Variants in WDR20 observed in about 807,000 individuals in gnomAD.
WDR20 encodes WD repeat-containing protein 20.
Under a neutral mutation model 38.7 loss-of-function variants are expected in WDR20, and 3 were observed. The ratio of observed to expected loss-of-function variants is 0.08; its 90% CI spans 0.04 to 0.20. The LOEUF (loss-of-function observed/expected upper bound fraction) is 0.20, where lower values mean the gene tolerates loss of function less well. Among genes scored for constraint, WDR20 ranks in the 10% least tolerant of loss-of-function variants. The pLI, the probability that WDR20 is intolerant of heterozygous loss-of-function variation, is 1.00. For missense variants in WDR20, 559 were observed against 727.7 expected (o/e 0.77, Z 2.67); for synonymous variants, 298 against 285.6 (o/e 1.04, Z -0.44).
At chr14:102,160,206 T>A (rs527481658) in intron 1 of WDR20, among the ~76,000 whole-genome samples, 1 of 152,196 alleles carries the variant, frequency 6.6e-6, no homozygotes, top group Non-Finnish European at 1.5e-5. Context: ...AGTTGTACAA[T>A]TATCACTGTA....
At chr14:102,213,014 G>A (rs2062750077), downstream of WDR20, 4 of 990,616 alleles carry the variant, frequency 4.0e-6, no homozygotes, top group Non-Finnish European at 4.8e-6. Flanking sequence ...GGAGAATCCC[G>A]CTCCCACCCG....
intron 1 of WDR20, among the ~76,000 whole-genome samples, chr14:102,146,268 G>A (rs1379680354): frequency 2.6e-5 from 4 of 152,052 alleles, no homozygotes; most frequent in Non-Finnish European, 5.9e-5. Context: ...GGTTTTAAGC[G>A]ATTCTCCTGC....
downstream of WDR20, chr14:102,212,534 C>A: frequency 6.5e-7 from 1 of 1,536,008 alleles, no homozygotes; most frequent in Non-Finnish European, 8.7e-7. Flanking sequence ...CAGAGCACTT[C>A]TGCAGGCAGG....
chr14:102,156,039 A>G lies in WDR20; in HGVS notation c.249+15867A>G, dbSNP rs972523679. Among the ~76,000 whole-genome samples, 4 of 151,258 alleles carry G rather than the reference A, an allele frequency of 2.6e-5. No individual in the cohort carries two copies. The South Asian group carries it at 6.2e-4, about 24-fold the overall frequency. ...GCGAACCTCCCACCTCGGCCTCCCA[A>G]AGCATTGGGATTAGAGGCATGAGGC... On this transcript the variant is annotated intron_variant, in intron 1 of 2. Transcript: ENST00000342702.
At chr14:102,224,740 G>C (rs541010892), downstream of WDR20, 4 of 455,928 alleles carry the variant, frequency 8.8e-6, no homozygotes, top group Non-Finnish European at 1.8e-5. Flanking sequence ...TGCCCCACTC[G>C]AAGGCGCCAG....
chr14:102,169,977 T>C lies in WDR20; in HGVS notation c.250-24961T>C, dbSNP rs8013065. Among the ~76,000 whole-genome samples, 1,133 of 152,308 alleles carry C rather than the reference T, an allele frequency of 7.4e-3. 16 individuals carry two copies. Among genetic ancestry groups the C allele is most frequent in the African/African-American group, 0.025 (1,060 of 41,570 alleles). On this transcript the variant is annotated intron_variant, in intron 1 of 2. Transcript: ENST00000342702. ...AAGTCTCTCACACTTTGCCCTCCAG[T>C]GCCACCCTGTCCCCCTCCTCTGAAG... is the stretch of plus-strand genomic sequence containing the variant.
At chr14:102,217,986 C>T (rs2063429551), downstream of WDR20, among the ~76,000 whole-genome samples, 1 of 152,262 alleles carries the variant, frequency 6.6e-6, no homozygotes, top group African/African-American at 2.4e-5. Flanking sequence ...GGCTGGCCTT[C>T]TCCCTCTGGG....
chr14:102,152,606 G>C (rs1258508841), intron 1 of WDR20, among the ~76,000 whole-genome samples: 2 of 151,954 alleles, frequency 1.3e-5, no homozygotes, highest in South Asian at 2.1e-4. Context: ...CTACAGACGG[G>C]GTTTCACCAT....
Position 102,222,957 on chromosome 14 carries a change from G to A in WDR20, c.*74G>A, listed in dbSNP as rs113092506. ...GTGACGAGGAGGAGCTCCGAGCTGC[G>A]CCTGAGCCGTGCCAGCCGGCGGACC... is the stretch of plus-strand genomic sequence containing the variant. On this transcript the variant is annotated 3_prime_UTR_variant, in exon 4 of 4. Transcript: ENST00000335263. This position sits in a 1 kb window ranked among gnomAD's most constrained non-coding sequence, Gnocchi z 4.4. 3.0e-4 allele frequency: 480 copies of A among 1,584,528 alleles called. No individual in the cohort carries two copies. Among genetic ancestry groups the A allele is most frequent in the Non-Finnish European group, 3.4e-4 (390 of 1,156,038 alleles).
intron 1 of WDR20, among the ~76,000 whole-genome samples, chr14:102,167,817 G>T (rs956049299): frequency 1.3e-5 from 2 of 152,120 alleles, no homozygotes; most frequent in African/African-American, 2.4e-5. Flanking sequence ...CTGATTGATT[G>T]CTGAACTCCT....
chr14:102,144,520 A>G (rs542665349), intron 1 of WDR20, among the ~76,000 whole-genome samples: 2 of 151,942 alleles, frequency 1.3e-5, no homozygotes, highest in Non-Finnish European at 2.9e-5. Context: ...ATGTAGGATA[A>G]AAGATGCCAA....
rs371485785 is a variant in WDR20, at chr14:102,142,509, G to A, written c.249+2337G>A. On this transcript the variant is annotated intron_variant, in intron 1 of 2. Coordinates refer to ENST00000342702, the MANE Select transcript of WDR20 (RefSeq NM_144574.4). ...CATCCTGTTGCCTAGGCTGGAGTGC[G>A]GTGGCGTGCTCATCGTTCACTACAG... Among the ~76,000 whole-genome samples the A allele has an allele frequency of 6.6e-5, 10 of 152,044 alleles. No homozygotes were observed. The East Asian group carries it at 1.5e-3, about 23-fold the overall frequency.
chr14:102,213,914 G>T (rs2062875356), downstream of WDR20: 2 of 985,328 alleles, frequency 2.0e-6, no homozygotes, highest in Non-Finnish European at 2.4e-6. Context: ...GCCCACGGAA[G>T]AACTAGAAGC....
intron 1 of WDR20, among the ~76,000 whole-genome samples, chr14:102,144,481 C>CAA (rs760450854): frequency 8.2e-5 from 6 of 73,412 alleles, no homozygotes; most frequent in African/African-American, 2.3e-4. Flanking sequence ...GACTCTGTCT[C>CAA]AAAAAAAAAA....
At position 102,141,810 on chromosome 14, in the gene WDR20, G is replaced by A. The variant is rs1016883800; in HGVS notation, c.249+1638G>A. On this transcript the variant is annotated intron_variant, in intron 1 of 2. Transcript: ENST00000342702. ...GACCAATTTTGTCTCAGGAAATTAA[G>A]TTTAGAATTTTAAGTTATAAAAATT... Among the ~76,000 whole-genome samples the A allele has an allele frequency of 4.6e-5, 7 of 152,198 alleles. No homozygotes were observed. In the South Asian group the frequency reaches 1.5e-3, roughly 32 times the overall value.
chr14:102,196,183 C>G (rs544912370), intron 2 of WDR20, among the ~76,000 whole-genome samples: 2 of 152,124 alleles, frequency 1.3e-5, no homozygotes, highest in Non-Finnish European at 2.9e-5. Flanking sequence ...CCAGGGTGCT[C>G]CTGTTTGACA....
chr14:102,214,419 CTG>C (rs2062956235), downstream of WDR20: 1 of 985,436 alleles, frequency 1.0e-6, no homozygotes, highest in African/African-American at 1.7e-5. Flanking sequence ...TCGTATGCAA[CTG>C]TTACCTTTGA....
intron 2 of WDR20, among the ~76,000 whole-genome samples, chr14:102,203,841 T>G (rs1025874855): frequency 1.3e-5 from 2 of 152,106 alleles, no homozygotes; most frequent in Admixed American, 1.3e-4. Flanking sequence ...TAACTAGACT[T>G]TTTCTGAAAC....
chr14:102,145,838 A>G (rs1263935579), intron 1 of WDR20, among the ~76,000 whole-genome samples: 3 of 152,108 alleles, frequency 2.0e-5, no homozygotes, highest in Non-Finnish European at 4.4e-5. Flanking sequence ...AAGCCAAAGA[A>G]CCTTCCTACC....
Sources: allele counts gnomAD v4.1 joint callset (sites outside exome capture counted in the v4.1 genomes callset), GRCh38; gene constraint gnomAD v4.1.1; non-coding constraint Gnocchi (gnomAD v3.1); transcripts MANE v1.5; gene names NCBI Gene and HGNC (gene_info 2026-07-23, HGNC 2026-07-21).